Variants in ASCC3 observed in about 807,000 individuals in gnomAD.
ASCC3 encodes ASC-1 complex subunit P200.
ASCC3 carries 158 observed loss-of-function variants against 256.3 expected under a neutral mutation model. The ratio of observed to expected loss-of-function variants is 0.62; its 90% CI spans 0.54 to 0.70. The LOEUF (loss-of-function observed/expected upper bound fraction) is 0.70, where lower values mean the gene tolerates loss of function less well. Among genes scored for constraint, ASCC3 ranks in the 30% least tolerant of loss-of-function variants. ASCC3 has a pLI of 0.00. For missense variants in ASCC3, 2,259 were observed against 2,626.0 expected (o/e 0.86, Z 3.05); for synonymous variants, 948 against 883.4 (o/e 1.07, Z -1.30).
At chr6:100,613,103 T>C (rs1224837024) in intron 30 of ASCC3, among the ~76,000 whole-genome samples, 1 of 151,558 alleles carries the variant, frequency 6.6e-6, no homozygotes, top group Non-Finnish European at 1.5e-5. Context: ...CTTAAATTTG[T>C]CTTAAAATAT....
intron 13 of ASCC3, 25 bp downstream of exon 13, chr6:100,715,437 G>T: frequency 1.3e-6 from 2 of 1,582,950 alleles, no homozygotes; most frequent in Non-Finnish European, 8.7e-7. Flanking sequence ...ATAAATAAGT[G>T]TAAAAGCAGA....
Position 100,646,597 on chromosome 6 carries a change from G to A in ASCC3, c.3633+18C>T. ...GATATTTTTGTTTAACACAGATATA[G>A]CCGTTTTCCACTTCTACCTGATCAT... On this transcript the variant is annotated intron_variant, in intron 22 of 41. Coordinates refer to ENST00000369162, the MANE Select transcript of ASCC3 (RefSeq NM_006828.4). The A allele has an allele frequency of 6.2e-7, 1 of 1,613,796 alleles. No individual in the cohort carries two copies. Among genetic ancestry groups the A allele is most frequent in the Non-Finnish European group, 8.5e-7 (1 of 1,179,792 alleles).
chr6:100,732,637 T>C (rs757677515), intron 10 of ASCC3, among the ~76,000 whole-genome samples: 14 of 151,514 alleles, frequency 9.2e-5, no homozygotes, highest in Non-Finnish European at 1.8e-4. Flanking sequence ...AACTCACTCA[T>C]TCAATGTCCT....
intron 27 of ASCC3, among the ~76,000 whole-genome samples, chr6:100,628,615 TAAG>T (rs976593595): frequency 5.9e-5 from 9 of 152,092 alleles, no homozygotes; most frequent in Non-Finnish European, 4.4e-5. Flanking sequence ...TCTTGCCATG[TAAG>T]AAGCTCTCTT....
At chr6:100,698,534 CTGG>C (rs2114994904) in intron 13 of ASCC3, among the ~76,000 whole-genome samples, 1 of 152,008 alleles carries the variant, frequency 6.6e-6, no homozygotes, top group African/African-American at 2.4e-5. Context: ...CTTAAAATAA[CTGG>C]TGACAAAAAT....
At chr6:100,541,105 G>A (rs1297189832) in intron 36 of ASCC3, among the ~76,000 whole-genome samples, 2 of 152,034 alleles carry the variant, frequency 1.3e-5, no homozygotes, top group Non-Finnish European at 2.9e-5. Flanking sequence ...TTAAAAAATA[G>A]ACTGATCTAT....
intron 2 of ASCC3, among the ~76,000 whole-genome samples, chr6:100,866,831 C>A (rs190043892): frequency 2.6e-4 from 39 of 152,306 alleles, no homozygotes; most frequent in Middle Eastern, 3.4e-3. Flanking sequence ...TTGTTTAAGC[C>A]ACCTAATCTG....
chr6:100,642,208 A>G (rs1326470686), intron 24 of ASCC3, among the ~76,000 whole-genome samples: 1 of 152,074 alleles, frequency 6.6e-6, no homozygotes, highest in Non-Finnish European at 1.5e-5. Context: ...TTTGCAGGAC[A>G]CAAACTCACT....
intron 27 of ASCC3, among the ~76,000 whole-genome samples, chr6:100,628,618 G>C (rs1774373481): frequency 6.6e-6 from 1 of 152,038 alleles, no homozygotes; most frequent in South Asian, 2.1e-4. Flanking sequence ...TGCCATGTAA[G>C]AAGCTCTCTT....
chr6:100,865,305 G>A (rs1457647147), intron 2 of ASCC3, among the ~76,000 whole-genome samples: 1 of 151,756 alleles, frequency 6.6e-6, no homozygotes, highest in African/African-American at 2.4e-5. Flanking sequence ...CCTCAGGGAA[G>A]AAAAAAATGT....
intron 3 of ASCC3, among the ~76,000 whole-genome samples, chr6:100,862,139 T>C (rs758928734): frequency 1.4e-4 from 22 of 152,114 alleles, no homozygotes; most frequent in Admixed American, 1.3e-4. Context: ...CTAGTCAAGG[T>C]GATGTGGAAG....
At chr6:100,531,518 G>A (rs1344745431) in intron 37 of ASCC3, among the ~76,000 whole-genome samples, 1 of 151,826 alleles carries the variant, frequency 6.6e-6, no homozygotes, top group Non-Finnish European at 1.5e-5. Context: ...TCCAATAAGG[G>A]TGATATATTT....
At chr6:100,666,665 C>A (rs1178219338) in intron 14 of ASCC3, among the ~76,000 whole-genome samples, 1 of 152,022 alleles carries the variant, frequency 6.6e-6, no homozygotes, top group Non-Finnish European at 1.5e-5. Context: ...GTATAAGGAG[C>A]GAGTTTTTTA....
intron 8 of ASCC3, among the ~76,000 whole-genome samples, chr6:100,768,433 A>G (rs1346641218): frequency 6.6e-6 from 1 of 152,202 alleles, no homozygotes; most frequent in African/African-American, 2.4e-5. Context: ...GAATGGCTAT[A>G]TTAATGTCAG....
chr6:100,841,423 A>G (rs1772139582), intron 4 of ASCC3, among the ~76,000 whole-genome samples: 1 of 152,186 alleles, frequency 6.6e-6, no homozygotes, highest in African/African-American at 2.4e-5. Flanking sequence ...TGGATTGTGA[A>G]AACTACTTAA....
chr6:100,650,838 CAT>C (rs1212885867), intron 19 of ASCC3, 124 bp from the exon 20 acceptor site: 6 of 789,800 alleles, frequency 7.6e-6, no homozygotes, highest in Non-Finnish European at 1.2e-5. Flanking sequence ...ATTTTTCTTT[CAT>C]AGAGTTAAAT....
At position 100,734,637 on chromosome 6, in the gene ASCC3, T is replaced by A. The variant is rs528814620; in HGVS notation, c.1738-8934A>T. Among the ~76,000 whole-genome samples, 3 of 152,294 alleles carry A rather than the reference T, an allele frequency of 2.0e-5. No individual in the cohort carries two copies. In the South Asian group the frequency reaches 6.2e-4, roughly 32 times the overall value. The stretch of plus-strand genomic sequence containing the variant: ...AGCACATACTAAGCTTATGTAAGTG[T>A]CTGCTATTATTATTGCTGTCCCTAT... On this transcript the variant is annotated intron_variant, in intron 10 of 41. Transcript: ENST00000369162.
intron 34 of ASCC3, 135 bp from the exon 35 acceptor site, chr6:100,590,194 C>A (rs974373825): frequency 2.9e-6 from 2 of 686,362 alleles, no homozygotes; most frequent in Non-Finnish European, 5.1e-6. Flanking sequence ...TCACAAAACT[C>A]ACAGAAATAT....
intron 30 of ASCC3, among the ~76,000 whole-genome samples, chr6:100,613,001 A>G (rs1243936068): frequency 2.6e-5 from 4 of 152,004 alleles, no homozygotes; most frequent in South Asian, 4.1e-4. Context: ...TATTTTGCCA[A>G]ATATACACAA....
Sources: gnomAD v4.1 joint callset for allele counts (sites outside exome capture counted in the v4.1 genomes callset) on GRCh38, gnomAD v4.1.1 for gene constraint, MANE v1.5 for transcripts, NCBI Gene and HGNC (gene_info 2026-07-23, HGNC 2026-07-21) for gene names.